Variants in ASAP1 observed in about 807,000 individuals in gnomAD.
The protein encoded by ASAP1 is ArfGAP with SH3 domain, ankyrin repeat and PH domain 1, also known as arf-GAP with SH3 domain, ANK repeat and PH domain-containing protein 1.
A neutral mutation model predicts 145.2 loss-of-function variants in ASAP1; 43 were observed. The observed-to-expected ratio is 0.30, with a 90% CI of 0.23 to 0.38. The LOEUF is 0.38. Ranked by LOEUF, ASAP1 falls within the 10% of genes least tolerant of loss-of-function variation. The pLI, the probability that ASAP1 is intolerant of heterozygous loss-of-function variation, is 1.00. For synonymous variants in ASAP1, 546 were observed against 515.5 expected (o/e 1.06, Z -0.80); for missense variants, 1,018 against 1,355.3 (o/e 0.75, Z 3.91).
At chr8:130,110,308 AGGCT>A (rs991220019) in intron 24 of ASAP1, among the ~76,000 whole-genome samples, 3 of 152,226 alleles carry the variant, frequency 2.0e-5, no homozygotes, top group Non-Finnish European at 4.4e-5. Flanking sequence ...GAACAGGCAT[AGGCT>A]GTGCCTGTCT....
At chr8:130,058,802 C>T (rs1210762040) in intron 28 of ASAP1, among the ~76,000 whole-genome samples, 1 of 152,112 alleles carries the variant, frequency 6.6e-6, no homozygotes, top group Non-Finnish European at 1.5e-5. Flanking sequence ...AGTGCCTCTT[C>T]CTCTCTGTCC....
At chr8:130,112,369 T>G in intron 23 of ASAP1, 47 bp from the exon 24 acceptor site, 1 of 1,565,236 alleles carries the variant, frequency 6.4e-7, no homozygotes, top group Non-Finnish European at 8.8e-7. Context: ...GGACCACCCT[T>G]CATGTGTACA....
chr8:130,376,903 CAAAAAA>C (rs34006260), intron 2 of ASAP1, among the ~76,000 whole-genome samples: 5,597 of 25,378 alleles, frequency 0.22, 126 homozygotes, highest in South Asian at 0.28. Context: ...AACTCCATCT[CAAAAAA>C]AAAAAAAAAA....
chr8:130,120,581 T>A (rs959151672), intron 18 of ASAP1, among the ~76,000 whole-genome samples: 5 of 152,052 alleles, frequency 3.3e-5, no homozygotes, highest in Non-Finnish European at 7.4e-5. Context: ...TGCGGGGAGG[T>A]AGATCTTAGA....
intron 2 of ASAP1, among the ~76,000 whole-genome samples, chr8:130,388,248 G>A (rs1828115758): frequency 6.6e-6 from 1 of 152,194 alleles, no homozygotes; most frequent in Non-Finnish European, 1.5e-5. Flanking sequence ...TGGAGGCAGA[G>A]GAGGGTACAG....
rs143195511 is a variant in ASAP1, at chr8:130,437,743, G to A, written c.-28+5717C>T. On this transcript the variant is annotated intron_variant, in intron 1 of 29. Coordinates refer to ENST00000518721, the MANE Select transcript of ASAP1 (RefSeq NM_018482.4). ...GAGGAAATGTCAACATCCCCCAGAA[G>A]CCGCGGGTGGGCGCTGTCTTGACGC... Among the ~76,000 whole-genome samples the A allele has an allele frequency of 1.4e-4, 22 of 152,298 alleles. No individual in the cohort carries two copies. The East Asian group carries it at 2.7e-3, about 19-fold the overall frequency.
intron 2 of ASAP1, among the ~76,000 whole-genome samples, chr8:130,380,985 G>C (rs1775813567): frequency 6.6e-6 from 1 of 152,148 alleles, no homozygotes; most frequent in African/African-American, 2.4e-5. Flanking sequence ...CCGGGTTCAA[G>C]TGACTCTCCC....
At chr8:130,140,675 G>C (rs2097608485) in intron 13 of ASAP1, among the ~76,000 whole-genome samples, 1 of 152,168 alleles carries the variant, frequency 6.6e-6, no homozygotes, top group African/African-American at 2.4e-5. Flanking sequence ...AAATCTACTA[G>C]ACTGACTTTT....
intron 2 of ASAP1, among the ~76,000 whole-genome samples, chr8:130,379,728 C>T (rs11784477): frequency 0.034 from 5,235 of 152,270 alleles, 125 homozygotes; most frequent in Middle Eastern, 0.065. Context: ...AGATGCTGGA[C>T]GCTGCCTGTG....
At chr8:130,401,482 TG>T (rs1828793323) in intron 2 of ASAP1, among the ~76,000 whole-genome samples, 1 of 152,148 alleles carries the variant, frequency 6.6e-6, no homozygotes, top group Non-Finnish European at 1.5e-5. Flanking sequence ...TGACCTCAAA[TG>T]ATCCACCCAC....
At chr8:130,100,738 C>T (rs1329518497) in intron 24 of ASAP1, among the ~76,000 whole-genome samples, 2 of 152,158 alleles carry the variant, frequency 1.3e-5, no homozygotes, top group Non-Finnish European at 2.9e-5. Context: ...TCCGGATATA[C>T]AAGTCCCTTG....
intron 1 of ASAP1, among the ~76,000 whole-genome samples, chr8:130,414,538 A>G (rs983490386): frequency 3.9e-5 from 6 of 152,156 alleles, no homozygotes; most frequent in Non-Finnish European, 8.8e-5. Context: ...CATTAATAAT[A>G]TTAAACTCAG....
intron 13 of ASAP1, among the ~76,000 whole-genome samples, chr8:130,144,124 T>C (rs969388654): frequency 4.6e-5 from 7 of 152,212 alleles, no homozygotes; most frequent in African/African-American, 1.7e-4. Context: ...TTTAGACACC[T>C]ACTGTGCCCT....
chr8:130,327,292 CA>C (rs1258027324), intron 3 of ASAP1, among the ~76,000 whole-genome samples: 1 of 152,172 alleles, frequency 6.6e-6, no homozygotes, highest in East Asian at 1.9e-4. Flanking sequence ...CCTCTCCCAC[CA>C]AACTGTTGTA....
At chr8:130,168,923 A>G in intron 10 of ASAP1, 69 bp downstream of exon 10, 1 of 929,678 alleles carries the variant, frequency 1.1e-6, no homozygotes, top group Non-Finnish European at 1.7e-6. Context: ...TTTCTAATAC[A>G]GATTTCAAAT....
Position 130,358,220 on chromosome 8 carries a change from G to A in ASAP1, c.60-77C>T, listed in dbSNP as rs1191641547. 2.2e-4 allele frequency: 302 copies of A among 1,342,290 alleles called. No individual in the cohort carries two copies. Among genetic ancestry groups the A allele is most frequent in the Non-Finnish European group, 3.0e-4 (301 of 1,012,578 alleles). 83.1% of individuals were successfully genotyped at this position (1,342,290 alleles called of 1,614,324 possible). A position where few individuals can be genotyped will look rare whatever the true frequency, so the allele number is the denominator to read the frequency against. On this transcript the variant is annotated intron_variant, in intron 2 of 29. Coordinates refer to ENST00000518721, the MANE Select transcript of ASAP1 (RefSeq NM_018482.4). This position sits in a 1 kb window ranked among gnomAD's most constrained non-coding sequence, Gnocchi z 4.1. ...GGCTCCCGGGGCCGCGGGCCGCCCG[G>A]AGGCTCATGAACCCCGGCGCGCAGC...
chr8:130,161,758 T>G (rs2097669673), intron 11 of ASAP1, among the ~76,000 whole-genome samples: 1 of 152,182 alleles, frequency 6.6e-6, no homozygotes, highest in African/African-American at 2.4e-5. Context: ...ATCTAGGATT[T>G]TCTTGCAAAA....
At chr8:130,224,868 G>C (rs969386522) in intron 4 of ASAP1, among the ~76,000 whole-genome samples, 4 of 152,216 alleles carry the variant, frequency 2.6e-5, no homozygotes, top group Non-Finnish European at 5.9e-5. Context: ...CTGGGGGATA[G>C]TGTGTACATT....
intron 1 of ASAP1, among the ~76,000 whole-genome samples, chr8:130,432,754 A>G (rs1830181196): frequency 6.6e-6 from 1 of 152,010 alleles, no homozygotes; most frequent in African/African-American, 2.4e-5. Flanking sequence ...GTCTCTTTTT[A>G]AGATGCAGAA....
Sources: gnomAD v4.1 joint callset for allele counts (sites outside exome capture counted in the v4.1 genomes callset) on GRCh38, gnomAD v4.1.1 for gene constraint, Gnocchi (gnomAD v3.1) non-coding constraint, MANE v1.5 for transcripts, NCBI Gene and HGNC (gene_info 2026-07-23, HGNC 2026-07-21) for gene names.